Variants in STX8 observed in about 807,000 individuals in gnomAD.
STX8 encodes the protein syntaxin 8.
STX8 carries 23 observed loss-of-function variants against 37.5 expected under a neutral mutation model. The observed-to-expected ratio is 0.61, with a 90% confidence interval of 0.44 to 0.87. The LOEUF is 0.87. STX8 is among the 40% of genes least tolerant of loss of function. The probability of loss-of-function intolerance (pLI) is 0.00; values close to 1 mark genes in which losing one functional copy is unlikely to be tolerated. For synonymous variants in STX8, 115 were observed against 99.1 expected (o/e 1.16, Z -0.95); for missense variants, 313 against 284.7 (o/e 1.10, Z -0.71).
At chr17:9,318,544 A>C (rs1348816027) in intron 7 of STX8, among the ~76,000 whole-genome samples, 1 of 152,178 alleles carries the variant, frequency 6.6e-6, no homozygotes. Flanking sequence ...AACAAAAGAA[A>C]GGCCCTAAAA....
intron 5 of STX8, among the ~76,000 whole-genome samples, chr17:9,493,312 G>A (rs1223877751): frequency 6.6e-6 from 1 of 152,134 alleles, no homozygotes; most frequent in Non-Finnish European, 1.5e-5. Flanking sequence ...AATGAACCAA[G>A]GCTGCTTGAA....
At chr17:9,394,703 C>T (rs903799235) in intron 6 of STX8, among the ~76,000 whole-genome samples, 4 of 151,748 alleles carry the variant, frequency 2.6e-5, no homozygotes, top group African/African-American at 7.3e-5. Context: ...CAACAACTGC[C>T]AATATTTAGT....
intron 6 of STX8, among the ~76,000 whole-genome samples, chr17:9,480,518 G>A (rs544241558): frequency 1.1e-4 from 16 of 152,254 alleles, no homozygotes; most frequent in Non-Finnish European, 1.9e-4. Context: ...ATCAACTTCC[G>A]GGAAGATCTT....
intron 6 of STX8, among the ~76,000 whole-genome samples, chr17:9,479,804 C>T (rs1597698348): frequency 1.3e-5 from 2 of 152,054 alleles, no homozygotes; most frequent in Non-Finnish European, 2.9e-5. Context: ...CCCTAACCCC[C>T]GCCTCCTGCC....
At chr17:9,415,692 C>T (rs1448944954) in intron 6 of STX8, among the ~76,000 whole-genome samples, 1 of 152,146 alleles carries the variant, frequency 6.6e-6, no homozygotes, top group Non-Finnish European at 1.5e-5. Flanking sequence ...TGGCGTGAAC[C>T]CGGTAGGTGG....
chr17:9,374,158 T>G (rs1461364188), intron 7 of STX8, among the ~76,000 whole-genome samples: 1 of 151,564 alleles, frequency 6.6e-6, no homozygotes, highest in Non-Finnish European at 1.5e-5. Context: ...CGCGGCTCAC[T>G]GCAACCTCTG....
intron 2 of STX8, among the ~76,000 whole-genome samples, chr17:9,566,135 C>G (rs1597747856): frequency 6.6e-6 from 1 of 152,060 alleles, no homozygotes; most frequent in African/African-American, 2.4e-5. Context: ...CATTAAAAAG[C>G]AGACAAAGGA....
chr17:9,529,983 C>T (rs1302165572), intron 4 of STX8, among the ~76,000 whole-genome samples: 5 of 151,404 alleles, frequency 3.3e-5, no homozygotes, highest in Non-Finnish European at 5.9e-5. Context: ...GTAGCAAGAC[C>T]CTGTCTCTAA....
intron 7 of STX8, among the ~76,000 whole-genome samples, chr17:9,344,129 T>C (rs1910456263): frequency 6.6e-6 from 1 of 152,172 alleles, no homozygotes; most frequent in Non-Finnish European, 1.5e-5. Flanking sequence ...CTTCCTTGCA[T>C]ATACTTGCAA....
At chr17:9,400,188 C>T (rs1311619947) in intron 6 of STX8, among the ~76,000 whole-genome samples, 2 of 151,166 alleles carry the variant, frequency 1.3e-5, no homozygotes, top group East Asian at 2.0e-4. Context: ...CTGCAAGCTC[C>T]GCCTCCCGGG....
intron 6 of STX8, among the ~76,000 whole-genome samples, chr17:9,389,767 TA>T (rs59708394): frequency 6.6e-6 from 1 of 151,884 alleles, no homozygotes; most frequent in Non-Finnish European, 1.5e-5. Flanking sequence ...AGACAAATGT[TA>T]AAAAAAATCT....
chr17:9,540,876 C>T (rs1906252104), intron 4 of STX8: 1 of 152,212 alleles, frequency 6.6e-6, no homozygotes, highest in South Asian at 2.1e-4. Context: ...TATTTCAACC[C>T]TCAGGGATTC....
chr17:9,425,985 T>C (rs907423274), intron 6 of STX8, among the ~76,000 whole-genome samples: 3 of 152,166 alleles, frequency 2.0e-5, no homozygotes, highest in Non-Finnish European at 2.9e-5. Context: ...CTTCATCCTA[T>C]AATAACTGTC....
chr17:9,474,679 C>T (rs1193347131), intron 6 of STX8, among the ~76,000 whole-genome samples: 1 of 152,166 alleles, frequency 6.6e-6, no homozygotes, highest in Admixed American at 6.5e-5. Context: ...GGCTATAAAG[C>T]GAAGGGTTCC....
rs1377135250 is a variant in STX8, at chr17:9,545,199, T to C, written c.296A>G (p.Asn99Ser). Residue 99 changes from asparagine (N) to serine (S), a missense_variant, in exon 4 of 8, where the codon AAT becomes AGT. Physicochemically the swap from Asn to Ser is conservative, Grantham distance 46. Transcript: ENST00000306357. ...GATTAGATCTGGTTCGGCACCCTCATTCTTAAAGGATGCCAGAAGTAGTCT... is the reference window on the plus strand; with the variant it reads ...GATTAGATCTGGTTCGGCACCCTCACTCTTAAAGGATGCCAGAAGTAGTCT... ...RERLLLASFK[N>S]EGAEPDLIRS... 6.2e-7 allele frequency: 1 copy of C among 1,613,982 alleles called. No individual in the cohort carries two copies. The highest frequency in any genetic ancestry group is 8.5e-7 in the Non-Finnish European group (1 of 1,179,880).
intron 6 of STX8, among the ~76,000 whole-genome samples, chr17:9,440,767 C>T (rs185767971): frequency 1.0e-3 from 155 of 152,252 alleles, no homozygotes; most frequent in Non-Finnish European, 2.0e-3. Context: ...TAAGGTGATC[C>T]ACCCGCCTCG....
intron 6 of STX8, among the ~76,000 whole-genome samples, chr17:9,415,271 G>A (rs1469383057): frequency 6.6e-6 from 1 of 152,086 alleles, no homozygotes; most frequent in Non-Finnish European, 1.5e-5. Context: ...TCCTCTCCTT[G>A]TGTCATAAAC....
At chr17:9,558,923 T>A (rs1018368526) in intron 2 of STX8, among the ~76,000 whole-genome samples, 1 of 151,910 alleles carries the variant, frequency 6.6e-6, no homozygotes, top group Non-Finnish European at 1.5e-5. Flanking sequence ...ACAAAAGCAT[T>A]TGGGAGATGA....
chr17:9,313,520 T>C (rs1279527793), intron 7 of STX8, among the ~76,000 whole-genome samples: 1 of 152,234 alleles, frequency 6.6e-6, no homozygotes, highest in African/African-American at 2.4e-5. Flanking sequence ...CAGTAGGAAC[T>C]AGGTGCCAGA....
Sources: allele counts gnomAD v4.1 joint callset (sites outside exome capture counted in the v4.1 genomes callset), GRCh38; gene constraint gnomAD v4.1.1; transcripts MANE v1.5; gene names NCBI Gene and HGNC (gene_info 2026-07-23, HGNC 2026-07-21).